The following PTPRD variants were observed in gnomAD, a reference collection of about 807,000 sequenced individuals.
PTPRD encodes the protein protein tyrosine phosphatase receptor type D.
In PTPRD, 34 loss-of-function variants were observed where a neutral mutation model predicts 214.5. The observed-to-expected ratio is 0.16, with a 90% CI of 0.12 to 0.21. The LOEUF (loss-of-function observed/expected upper bound fraction) is 0.21, where lower values mean the gene tolerates loss of function less well. Ranked by LOEUF, PTPRD falls within the 10% of genes least tolerant of loss-of-function variation. The pLI is 1.00. For synonymous variants in PTPRD, 1,128 were observed against 845.7 expected (o/e 1.33, Z -5.79); for missense variants, 2,545 against 2,398.7 (o/e 1.06, Z -1.27).
Position 8,329,816 on chromosome 9 carries a change from A to AAAAC in PTPRD, c.5534+1762_5534+1765dup, listed in dbSNP as rs574718285. Among the ~76,000 whole-genome samples the AAAAC allele has an allele frequency of 4.8e-4, 73 of 152,228 alleles. 1 individual carries two copies. The South Asian group carries it at 5.0e-3, about 10-fold the overall frequency. On this transcript the variant is annotated intron_variant, in intron 44 of 45. Transcript: ENST00000381196. The stretch of plus-strand genomic sequence containing the variant: ...CTGGCTTTGTTTACACTGTGAGGGT[A>AAAAC]AAACAAACAGCCTACTCTAGCCTCA...
At chr9:9,905,296 T>C (rs2077288616) in intron 5 of PTPRD, among the ~76,000 whole-genome samples, 1 of 152,022 alleles carries the variant, frequency 6.6e-6, no homozygotes, top group Non-Finnish European at 1.5e-5. Flanking sequence ...GGGTTCTTTT[T>C]TTAATCAGAA....
intron 9 of PTPRD, among the ~76,000 whole-genome samples, chr9:9,319,720 T>C (rs1965437613): frequency 6.6e-6 from 1 of 152,190 alleles, no homozygotes; most frequent in Non-Finnish European, 1.5e-5. Context: ...GAAGGCACTT[T>C]AGCCTATAGT....
chr9:9,816,780 T>C (rs2048915484), intron 5 of PTPRD, among the ~76,000 whole-genome samples: 1 of 152,038 alleles, frequency 6.6e-6, no homozygotes, highest in African/African-American at 2.4e-5. Context: ...ATTCCTTTAG[T>C]AATAGATAGT....
intron 22 of PTPRD, 33 bp from the exon 23 acceptor site, chr9:8,504,438 T>G (rs2137245186): frequency 6.2e-7 from 1 of 1,612,730 alleles, no homozygotes; most frequent in Non-Finnish European, 8.5e-7. Flanking sequence ...GTCATCTTCA[T>G]TAAGGTTCAT....
chr9:8,632,517 TAA>T (rs1241073560), intron 14 of PTPRD, among the ~76,000 whole-genome samples: 1 of 151,886 alleles, frequency 6.6e-6, no homozygotes, highest in Non-Finnish European at 1.5e-5. Context: ...GAGAAAGAGA[TAA>T]AGGCACAGAA....
At chr9:9,226,362 C>G (rs1303891363) in intron 9 of PTPRD, among the ~76,000 whole-genome samples, 1 of 151,830 alleles carries the variant, frequency 6.6e-6, no homozygotes, top group Non-Finnish European at 1.5e-5. Flanking sequence ...TACTTACAAC[C>G]TATTTAATAA....
chr9:10,065,102 A>T (rs769044153), intron 3 of PTPRD, among the ~76,000 whole-genome samples: 49 of 139,988 alleles, frequency 3.5e-4, no homozygotes, highest in Non-Finnish European at 5.3e-4. Flanking sequence ...GAAATTATCA[A>T]ATAAAATCTT....
chr9:8,400,175 G>A (rs1479644536), intron 36 of PTPRD, among the ~76,000 whole-genome samples: 4 of 152,182 alleles, frequency 2.6e-5, no homozygotes, highest in Non-Finnish European at 5.9e-5. Context: ...ACTGGCAGCA[G>A]TGAAGATTAA....
At chr9:10,391,657 C>G (rs1222667911) in intron 2 of PTPRD, among the ~76,000 whole-genome samples, 1 of 151,798 alleles carries the variant, frequency 6.6e-6, no homozygotes, top group African/African-American at 2.4e-5. Context: ...GTCAACATTA[C>G]TGATTACTTG....
At chr9:9,080,267 T>G (rs2099757135) in intron 10 of PTPRD, among the ~76,000 whole-genome samples, 1 of 152,036 alleles carries the variant, frequency 6.6e-6, no homozygotes, top group Non-Finnish European at 1.5e-5. Flanking sequence ...TTCCAAAGAC[T>G]TTTTCTCTGC....
intron 2 of PTPRD, among the ~76,000 whole-genome samples, chr9:10,396,452 A>G (rs1034378016): frequency 1.3e-5 from 2 of 151,900 alleles, no homozygotes; most frequent in African/African-American, 4.8e-5. Flanking sequence ...ATTATTTAGG[A>G]TCTAATTATC....
intron 11 of PTPRD, among the ~76,000 whole-genome samples, chr9:8,940,446 CTTT>C (rs34288443): frequency 7.6e-4 from 72 of 95,022 alleles, no homozygotes; most frequent in Non-Finnish European, 7.6e-4. Flanking sequence ...CCACTCCCAG[CTTT>C]TTTTTTTTTT....
intron 5 of PTPRD, among the ~76,000 whole-genome samples, chr9:9,798,448 G>A (rs563571440): frequency 6.6e-6 from 1 of 152,218 alleles, no homozygotes; most frequent in Non-Finnish European, 1.5e-5. Context: ...TTTATCAAGG[G>A]TTGTTTGTTC....
intron 45 of PTPRD, among the ~76,000 whole-genome samples, chr9:8,319,608 C>T (rs1825297121): frequency 6.6e-6 from 1 of 152,048 alleles, no homozygotes; most frequent in South Asian, 2.1e-4. Flanking sequence ...TTTAACATAG[C>T]TCAATCTAAC....
At chr9:9,056,151 A>G (rs2099695852) in intron 10 of PTPRD, among the ~76,000 whole-genome samples, 1 of 152,222 alleles carries the variant, frequency 6.6e-6, no homozygotes, top group Admixed American at 6.5e-5. Flanking sequence ...ATTTAGAACA[A>G]TCTACGAAGA....
intron 10 of PTPRD, among the ~76,000 whole-genome samples, chr9:9,073,945 C>A (rs1294641391): frequency 6.6e-6 from 1 of 151,958 alleles, no homozygotes; most frequent in African/African-American, 2.4e-5. Context: ...ACAGTTTCCC[C>A]ACCTGTAAAA....
chr9:10,196,403 G>T (rs559626184), intron 3 of PTPRD, among the ~76,000 whole-genome samples: 1 of 152,140 alleles, frequency 6.6e-6, no homozygotes, highest in Non-Finnish European at 1.5e-5. Context: ...AGTGCCAGAA[G>T]TATTAGTTCC....
At chr9:9,284,498 G>A (rs181403772) in intron 9 of PTPRD, among the ~76,000 whole-genome samples, 2 of 151,638 alleles carry the variant, frequency 1.3e-5, no homozygotes, top group African/African-American at 2.4e-5. Flanking sequence ...ACTGAAATTC[G>A]CTACCCCTCA....
At chr9:9,789,063 G>A (rs1388555069) in intron 5 of PTPRD, among the ~76,000 whole-genome samples, 1 of 152,088 alleles carries the variant, frequency 6.6e-6, no homozygotes, top group Non-Finnish European at 1.5e-5. Flanking sequence ...AATATTTTCT[G>A]GCTGGCTACA....
Sources: gnomAD v4.1 joint callset for allele counts (sites outside exome capture counted in the v4.1 genomes callset) on GRCh38, gnomAD v4.1.1 for gene constraint, MANE v1.5 for transcripts, NCBI Gene and HGNC (gene_info 2026-07-23, HGNC 2026-07-21) for gene names.